USP53: variants seen among roughly 807,000 people sequenced by gnomAD.
The protein encoded by USP53 is ubiquitin specific peptidase 53, also known as ubiquitin carboxyl-terminal hydrolase 53.
Under a neutral mutation model 94.9 loss-of-function variants are expected in USP53, and 71 were observed. The observed-to-expected ratio is 0.75, with a 90% confidence interval of 0.62 to 0.91. USP53 has a LOEUF of 0.91. Ranked by LOEUF, USP53 falls within the 40% of genes least tolerant of loss-of-function variation. The probability of loss-of-function intolerance (pLI) is 0.00; values close to 1 mark genes in which losing one functional copy is unlikely to be tolerated. For synonymous variants in USP53, 375 were observed against 422.7 expected, an observed-to-expected ratio of 0.89 and a Z score of 1.39; for missense variants, 1,173 against 1,281.0, an observed-to-expected ratio of 0.92 and a Z score of 1.29.
At chr4:119,242,206 TTTG>T (rs922743492) in intron 5 of USP53, among the ~76,000 whole-genome samples, 2 of 152,156 alleles carry the variant, frequency 1.3e-5, no homozygotes, top group South Asian at 2.1e-4. Flanking sequence ...AGTTACTTTT[TTTG>T]TTGTTGTTGT....
intron 11 of USP53, among the ~76,000 whole-genome samples, chr4:119,260,993 T>C (rs1750448220): frequency 7.6e-6 from 1 of 132,014 alleles, no homozygotes; most frequent in Admixed American, 8.6e-5. Context: ...AGAGTCTTGC[T>C]CTGTCACTCA....
At chr4:119,231,600 T>C (rs1746085994) in intron 3 of USP53, among the ~76,000 whole-genome samples, 1 of 152,124 alleles carries the variant, frequency 6.6e-6, no homozygotes, top group Non-Finnish European at 1.5e-5. Flanking sequence ...ACCTGACAGA[T>C]TTGTTGATTC....
At chr4:119,265,333 T>C (rs2149399484) in intron 12 of USP53, among the ~76,000 whole-genome samples, 1 of 152,366 alleles carries the variant, frequency 6.6e-6, no homozygotes, top group Non-Finnish European at 1.5e-5. Flanking sequence ...TTATTAAGTT[T>C]CATCTTGAGT....
chr4:119,241,075 A>G (rs1389313486), intron 5 of USP53, among the ~76,000 whole-genome samples: 1 of 152,002 alleles, frequency 6.6e-6, no homozygotes, highest in South Asian at 2.1e-4. Flanking sequence ...CCTTTTTCCT[A>G]TTCTTTTTAC....
chr4:119,230,096 A>G (rs776701074), intron 3 of USP53, among the ~76,000 whole-genome samples: 2 of 152,146 alleles, frequency 1.3e-5, no homozygotes, highest in African/African-American at 2.4e-5. Context: ...TATAATATGC[A>G]TATCTCTGGT....
intron 9 of USP53, among the ~76,000 whole-genome samples, chr4:119,259,273 C>A (rs913654274): frequency 1.6e-5 from 2 of 122,956 alleles, no homozygotes; most frequent in African/African-American, 3.2e-5. Flanking sequence ...AGAGTGAGAC[C>A]CCATCTCAAA....
At chr4:119,262,371 G>A (rs75114192) in intron 12 of USP53, among the ~76,000 whole-genome samples, 1,544 of 152,226 alleles carry the variant, frequency 0.01, 26 homozygotes, top group African/African-American at 0.035. Context: ...CCTCTGTGCA[G>A]TTGAAAACCC....
At chr4:119,252,359 G>C (rs539848525) in intron 7 of USP53, among the ~76,000 whole-genome samples, 1 of 152,234 alleles carries the variant, frequency 6.6e-6, no homozygotes, top group South Asian at 2.1e-4. Context: ...AATCCATCTG[G>C]TCCTGGACTT....
chr4:119,227,281 A>G (rs1372409573), intron 3 of USP53, among the ~76,000 whole-genome samples: 1 of 151,420 alleles, frequency 6.6e-6, no homozygotes, highest in Non-Finnish European at 1.5e-5. Flanking sequence ...ACACACACAC[A>G]CACACACACA....
chr4:119,225,371 A>C (rs761112700), intron 3 of USP53, among the ~76,000 whole-genome samples: 11 of 152,224 alleles, frequency 7.2e-5, no homozygotes, highest in Non-Finnish European at 1.2e-4. Flanking sequence ...TTTTAAGAAG[A>C]AATAATAGCA....
intron 2 of USP53, among the ~76,000 whole-genome samples, chr4:119,216,989 T>C (rs886357342): frequency 6.6e-6 from 1 of 152,216 alleles, no homozygotes; most frequent in Non-Finnish European, 1.5e-5. Flanking sequence ...ATTAGGTATT[T>C]TATACATGGT....
chr4:119,290,827 GTTTTTTT>G (rs1754666514), intron 17 of USP53, among the ~76,000 whole-genome samples: 1 of 151,988 alleles, frequency 6.6e-6, no homozygotes, highest in Admixed American at 6.6e-5. Flanking sequence ...CAAATGCAGG[GTTTTTTT>G]CACTGTTAAC....
chr4:119,229,747 G>A (rs1745801226), intron 3 of USP53, among the ~76,000 whole-genome samples: 1 of 152,078 alleles, frequency 6.6e-6, no homozygotes, highest in African/African-American at 2.4e-5. Context: ...TCTACTTGCA[G>A]ATTAATTTAC....
chr4:119,237,192 A>G (rs931204875), intron 4 of USP53, among the ~76,000 whole-genome samples: 1 of 152,214 alleles, frequency 6.6e-6, no homozygotes, highest in Admixed American at 6.5e-5. Context: ...AATATTCAGT[A>G]AACCATGCTG....
At chr4:119,291,590 C>T (rs1754767729) in intron 18 of USP53, among the ~76,000 whole-genome samples, 4 of 152,198 alleles carry the variant, frequency 2.6e-5, no homozygotes, top group Admixed American at 2.6e-4. Context: ...AAATCCTCAA[C>T]TCTCTTTAAC....
chr4:119,252,250 A>G (rs1749113831), intron 7 of USP53, among the ~76,000 whole-genome samples: 1 of 152,182 alleles, frequency 6.6e-6, no homozygotes, highest in South Asian at 2.1e-4. Context: ...GGCCTCATAA[A>G]ATGAGTTAGG....
intron 4 of USP53, among the ~76,000 whole-genome samples, chr4:119,238,438 A>G (rs1436484647): frequency 6.6e-6 from 1 of 152,208 alleles, no homozygotes; most frequent in East Asian, 1.9e-4. Context: ...TTGCTATCGT[A>G]TATGGGAGTG....
intron 10 of USP53, 96 bp from the exon 11 acceptor site, chr4:119,260,411 G>A (rs1750350811): frequency 3.9e-6 from 4 of 1,026,560 alleles, no homozygotes; most frequent in Admixed American, 2.9e-5. Flanking sequence ...ATAAATTGCA[G>A]ATATGTGTTA....
chr4:119,220,578 A>G (rs1440887324), intron 3 of USP53: 1 of 152,228 alleles, frequency 6.6e-6, no homozygotes, highest in Non-Finnish European at 1.5e-5. Context: ...AATTTCATTC[A>G]AAGTAAACAG....
Sources: gnomAD v4.1 joint callset for allele counts (sites outside exome capture counted in the v4.1 genomes callset) on GRCh38, gnomAD v4.1.1 for gene constraint, MANE v1.5 for transcripts, NCBI Gene and HGNC (gene_info 2026-07-23, HGNC 2026-07-21) for gene names.